KIF23: variants seen among roughly 807,000 people sequenced by gnomAD.
KIF23 encodes kinesin family member 23.
Under a neutral mutation model 137.5 loss-of-function variants are expected in KIF23, and 30 were observed. That is an observed-to-expected ratio of 0.22 (90% confidence interval 0.16 to 0.30). The LOEUF is 0.30. KIF23 is among the 10% of genes least tolerant of loss of function. The pLI is 1.00. For missense variants in KIF23, 920 were observed against 1,194.3 expected (o/e 0.77, Z 3.38); for synonymous variants, 367 against 391.1 (o/e 0.94, Z 0.73).
intron 7 of KIF23, among the ~76,000 whole-genome samples, chr15:69,424,070 A>G (rs1327733449): frequency 1.3e-5 from 2 of 152,216 alleles, no homozygotes; most frequent in African/African-American, 4.8e-5. Context: ...TTAACTTTGT[A>G]TATCTAAGGG....
At chr15:69,420,643 T>A (rs1244301995) in intron 3 of KIF23, among the ~76,000 whole-genome samples, 1 of 152,242 alleles carries the variant, frequency 6.6e-6, no homozygotes, top group African/African-American at 2.4e-5. Flanking sequence ...CTATAGTACA[T>A]CAAAACGTGG....
At chr15:69,436,789 C>G (rs925786119) in intron 15 of KIF23, 67 bp downstream of exon 15, 3 of 1,080,792 alleles carry the variant, frequency 2.8e-6, no homozygotes, top group African/African-American at 3.2e-5. Flanking sequence ...TAGTTTCACT[C>G]TGTACCCCAG....
chr15:69,433,805 A>G (rs1269760645), intron 11 of KIF23, among the ~76,000 whole-genome samples: 1 of 152,182 alleles, frequency 6.6e-6, no homozygotes, highest in Non-Finnish European at 1.5e-5. Context: ...AATAATTTCA[A>G]AATCATCTCC....
chr15:69,420,007 G>A (rs1271804937), intron 3 of KIF23, among the ~76,000 whole-genome samples: 1 of 152,188 alleles, frequency 6.6e-6, no homozygotes, highest in East Asian at 1.9e-4. Context: ...GTTTACATGT[G>A]TAATCCCAGC....
In KIF23 at chr15:69,427,994, C is replaced by CA. The variant is rs2057247407; in HGVS notation, c.1012-1116dup. On this transcript the variant is annotated intron_variant, in intron 10 of 23. Coordinates refer to ENST00000679126, the MANE Select transcript of KIF23 (RefSeq NM_001367805.3). ...GTTATAAGGGCCAGGCGCAGTGACT[C>CA]ACGCCTGTAATCCCAGCACTTTGGG... 1.3e-5 allele frequency among the ~76,000 whole-genome samples: 2 copies of CA among 152,204 alleles called. 1 individual carries two copies. Among genetic ancestry groups the CA allele is most frequent in the South Asian group, 4.1e-4 (2 of 4,826 alleles).
At chr15:69,440,740 C>T in intron 18 of KIF23, 28 bp from the exon 19 acceptor site, 1 of 1,554,772 alleles carries the variant, frequency 6.4e-7, no homozygotes. Flanking sequence ...TTCAGTCTTG[C>T]TCATTAATTT....
intron 11 of KIF23, chr15:69,434,589 C>A: frequency 8.2e-7 from 1 of 1,224,698 alleles, no homozygotes. Flanking sequence ...ACATCTCCTT[C>A]TTCCAAGGTC....
In KIF23 at chr15:69,440,408, C is replaced by T. The variant is rs1398618284; in HGVS notation, c.2030C>T (p.Thr677Ile). ...AAGGCTATTGTTACCGAACCTAAAA[C>T]TGAGAAGCCAGAGAGACCCTCTCGG... ...QLKAIVTEPK[T>I]EKPERPSRER... The change falls in exon 18 of 24, where the codon ACT becomes ATT. Residue 677 changes from threonine to isoleucine, a missense_variant. Coordinates refer to ENST00000679126, the MANE Select transcript of KIF23 (RefSeq NM_001367805.3). 1 of 1,613,816 alleles carries T rather than the reference C, an allele frequency of 6.2e-7. No homozygotes were observed. Among genetic ancestry groups the T allele is most frequent in the African/African-American group, 1.3e-5 (1 of 74,900 alleles).
intron 10 of KIF23, among the ~76,000 whole-genome samples, chr15:69,427,190 T>G: frequency 6.6e-6 from 1 of 152,086 alleles, no homozygotes; most frequent in Non-Finnish European, 1.5e-5. Flanking sequence ...TGGGAGGATG[T>G]GCATAGGTCA....
rs1393067803 is a variant in KIF23, at chr15:69,422,357, A to G, written c.485A>G (p.Asp162Gly). 1 of 1,607,956 alleles carries G rather than the reference A, an allele frequency of 6.2e-7. No individual in the cohort carries two copies. The highest frequency in any genetic ancestry group is 8.5e-7 in the Non-Finnish European group (1 of 1,175,176). ...VFKSNDRNSM[D>G]IQCEVDALLE... is the part of the protein sequence containing the mutation. ...AAATCTAATGATAGGAATAGTATGG[A>G]TATACAGTGTGAGGTTGATGCCTTA... is the stretch of plus-strand genomic sequence containing the variant. Residue 162 changes from aspartate (D) to glycine (G), a missense_variant, in exon 6 of 24, where the codon GAT becomes GGT. Physicochemically the swap from Asp to Gly is moderately conservative, Grantham distance 94. Around this residue, in one of 4 missense-constraint regions of KIF23, gnomAD observed 714 missense variants for 866.2 expected, o/e 0.82. Transcript: ENST00000679126.
At chr15:69,425,429 C>T in intron 8 of KIF23, 106 bp downstream of exon 8, 4 of 986,190 alleles carry the variant, frequency 4.1e-6, no homozygotes, top group Middle Eastern at 2.0e-4. Flanking sequence ...TGTCACTGGG[C>T]TGGCTGCTGT....
intron 2 of KIF23, 148 bp from the exon 3 acceptor site, chr15:69,417,235 G>T: frequency 1.7e-6 from 1 of 602,524 alleles, no homozygotes; most frequent in South Asian, 3.3e-5. Flanking sequence ...TCAAGTAGCA[G>T]ATTTTAATTT....
chr15:69,439,573 A>G (rs2057565531), intron 16 of KIF23, among the ~76,000 whole-genome samples: 1 of 152,212 alleles, frequency 6.6e-6, no homozygotes, highest in Non-Finnish European at 1.5e-5. Context: ...TGGTGGGGGT[A>G]CACATTCATA....
intron 15 of KIF23, 87 bp from the exon 16 acceptor site, chr15:69,438,161 A>G: frequency 8.4e-7 from 1 of 1,184,404 alleles, no homozygotes; most frequent in Non-Finnish European, 1.2e-6. Context: ...GAATAACTAC[A>G]TTTTATCTAG....
rs1341589631 is a variant in KIF23, at chr15:69,423,150, T to G, written c.564-9T>G. 1.9e-6 allele frequency: 3 copies of G among 1,558,156 alleles called. No homozygotes were observed. The highest frequency in any genetic ancestry group is 8.7e-7 in the Non-Finnish European group (1 of 1,146,794). Reference sequence around the variant, plus strand: ...TATAACGTATACAATTGAACTTTTCTTTTTTTAGACGACAAGTAGATCCAG... The same window carrying G: ...TATAACGTATACAATTGAACTTTTCGTTTTTTAGACGACAAGTAGATCCAG... On this transcript the variant is annotated splice_polypyrimidine_tract_variant and intron_variant, in intron 6 of 23. Coordinates refer to ENST00000679126, the MANE Select transcript of KIF23 (RefSeq NM_001367805.3).
intron 19 of KIF23, 27 bp downstream of exon 19, chr15:69,441,106 T>C (rs1365477466): frequency 6.5e-7 from 1 of 1,545,692 alleles, no homozygotes; most frequent in African/African-American, 1.4e-5. Context: ...TTTTAACGCA[T>C]TGTAGCAATA....
Position 69,446,100 on chromosome 15 carries a change from C to T in KIF23, c.2756+9C>T, listed in dbSNP as rs377032165. 21 of 1,606,752 alleles carry T rather than the reference C, an allele frequency of 1.3e-5. No homozygotes were observed. The highest frequency in any genetic ancestry group is 1.8e-5 in the Non-Finnish European group (21 of 1,173,584). On this transcript the variant is annotated intron_variant, in intron 21 of 23. Coordinates refer to ENST00000679126, the MANE Select transcript of KIF23 (RefSeq NM_001367805.3). ...CAAGAATCACCAAATGGGTAAGTAA[C>T]CATCAAAAATCTCTGTATAAAAGTT...
intron 15 of KIF23, among the ~76,000 whole-genome samples, chr15:69,437,153 C>G (rs940196023): frequency 4.6e-5 from 7 of 152,152 alleles, no homozygotes; most frequent in African/African-American, 1.7e-4. Flanking sequence ...AAAATTGTGT[C>G]TTTAGAACTT....
At chr15:69,447,291 T>C (rs1386333322) in intron 23 of KIF23, among the ~76,000 whole-genome samples, 1 of 152,178 alleles carries the variant, frequency 6.6e-6, no homozygotes, top group Non-Finnish European at 1.5e-5. Context: ...GACAGCTTTG[T>C]GTAAATCATT....
Sources: gnomAD v4.1 joint callset for allele counts (sites outside exome capture counted in the v4.1 genomes callset) on GRCh38, gnomAD v4.1.1 for gene constraint, gnomAD v4.1.1 regional missense constraint, MANE v1.5 for transcripts, NCBI Gene and HGNC (gene_info 2026-07-23, HGNC 2026-07-21) for gene names.